Variants in WWOX observed in about 807,000 individuals in gnomAD.
The protein encoded by WWOX is WW domain-containing oxidoreductase.
Under a neutral mutation model 46.2 loss-of-function variants are expected in WWOX, and 69 were observed. The ratio of observed to expected loss-of-function variants is 1.49; its 90% CI spans 1.23 to 1.82. The LOEUF (loss-of-function observed/expected upper bound fraction) is 1.82, where lower values mean the gene tolerates loss of function less well. Among genes scored for constraint, WWOX ranks in the 40% most tolerant of loss-of-function variants. WWOX has a pLI of 0.00. For missense variants in WWOX, 919 were observed against 542.6 expected (o/e 1.69, Z -6.89); for synonymous variants, 359 against 202.6 (o/e 1.77, Z -6.56).
chr16:78,644,512 T>C (rs374085191), intron 8 of WWOX, among the ~76,000 whole-genome samples: 5 of 152,054 alleles, frequency 3.3e-5, no homozygotes, highest in East Asian at 1.9e-4. Flanking sequence ...CTCAGGCTGC[T>C]GTACAGTGGG....
intron 8 of WWOX, among the ~76,000 whole-genome samples, chr16:79,190,395 A>C (rs1447743774): frequency 6.6e-6 from 1 of 152,114 alleles, no homozygotes; most frequent in Non-Finnish European, 1.5e-5. Flanking sequence ...TTCCTGCCTA[A>C]GGTCTGGATA....
chr16:78,240,294 T>TA (rs2037594941), intron 5 of WWOX, among the ~76,000 whole-genome samples: 1 of 150,772 alleles, frequency 6.6e-6, no homozygotes, highest in African/African-American at 2.4e-5. Flanking sequence ...GCCTGGGCAA[T>TA]ATAGCAAGAC....
intron 8 of WWOX, among the ~76,000 whole-genome samples, chr16:78,554,208 G>C (rs2673787): frequency 0.015 from 2,209 of 152,270 alleles, 32 homozygotes; most frequent in South Asian, 0.028. Flanking sequence ...GGAGGACTTG[G>C]TGGCCAGATG....
chr16:78,103,164 T>C (rs1244623324), intron 1 of WWOX, among the ~76,000 whole-genome samples: 1 of 151,878 alleles, frequency 6.6e-6, no homozygotes, highest in Non-Finnish European at 1.5e-5. Context: ...CTCGGGTGCA[T>C]ACATGGTTTC....
intron 8 of WWOX, among the ~76,000 whole-genome samples, chr16:78,830,508 A>G (rs2051790005): frequency 6.6e-6 from 1 of 151,920 alleles, no homozygotes; most frequent in African/African-American, 2.4e-5. Flanking sequence ...AGAGTAAACA[A>G]ATTACCCATT....
At chr16:78,969,223 C>T (rs1164853169) in intron 8 of WWOX, among the ~76,000 whole-genome samples, 1 of 151,142 alleles carries the variant, frequency 6.6e-6, no homozygotes, top group Non-Finnish European at 1.5e-5. Context: ...GGGACAAAGT[C>T]AAGAAAATAA....
In WWOX at chr16:78,348,741, A is replaced by G. The variant is rs565649821; in HGVS notation, c.517-38119A>G. 2.5e-5 allele frequency among the ~76,000 whole-genome samples: 3 copies of G among 121,788 alleles called. 1 individual carries two copies. The highest frequency in any genetic ancestry group is 5.9e-5 in the Non-Finnish European group (3 of 50,850). The allele number at this position is 121,788 out of a possible 152,430, so 79.9% of individuals were successfully genotyped here. ...CCAAAGTGCTAGGATTACAGGTGTCAGCCACAGTGCCATGCCCTGATGTGA... is the reference window on the plus strand; with the variant it reads ...CCAAAGTGCTAGGATTACAGGTGTCGGCCACAGTGCCATGCCCTGATGTGA... On this transcript the variant is annotated intron_variant, in intron 5 of 8. Coordinates refer to ENST00000566780, the MANE Select transcript of WWOX (RefSeq NM_016373.4).
At chr16:79,149,556 C>G (rs973768156) in intron 8 of WWOX, among the ~76,000 whole-genome samples, 2 of 152,220 alleles carry the variant, frequency 1.3e-5, no homozygotes, top group African/African-American at 4.8e-5. Context: ...AAGAATATAG[C>G]TCCCTTCCTA....
intron 8 of WWOX, among the ~76,000 whole-genome samples, chr16:78,743,693 G>A (rs189509580): frequency 1.2e-4 from 18 of 152,180 alleles, no homozygotes; most frequent in Non-Finnish European, 2.4e-4. Flanking sequence ...CCATTCAGCC[G>A]TTTGCATAGG....
chr16:78,915,065 T>C (rs2045215753), intron 8 of WWOX, among the ~76,000 whole-genome samples: 1 of 152,058 alleles, frequency 6.6e-6, no homozygotes, highest in East Asian at 1.9e-4. Context: ...AGGAAAGGGC[T>C]CTGAGCAGGA....
chr16:78,716,068 G>A (rs368543024), intron 8 of WWOX, among the ~76,000 whole-genome samples: 32 of 148,634 alleles, frequency 2.2e-4, no homozygotes, highest in African/African-American at 7.9e-4. Context: ...AAGGAAAGGG[G>A]AAAAAAAAAA....
intron 4 of WWOX, among the ~76,000 whole-genome samples, chr16:78,147,675 C>CTTTTTTTTG (rs1567598350): frequency 8.8e-5 from 8 of 90,640 alleles, no homozygotes; most frequent in East Asian, 2.6e-4. Context: ...TTCTTTCTTC[C>CTTTTTTTTG]TTTTTTTTTT....
At chr16:79,156,455 C>T (rs1331795572) in intron 8 of WWOX, among the ~76,000 whole-genome samples, 1 of 152,164 alleles carries the variant, frequency 6.6e-6, no homozygotes, top group African/African-American at 2.4e-5. Flanking sequence ...GCCACCGCTC[C>T]CAGCAACAAT....
intron 4 of WWOX, among the ~76,000 whole-genome samples, chr16:78,116,781 C>T (rs955217032): frequency 6.6e-6 from 1 of 152,168 alleles, no homozygotes; most frequent in African/African-American, 2.4e-5. Flanking sequence ...AACAATTTAA[C>T]AAGTTAGCCA....
chr16:78,970,321 C>A (rs542276170), intron 8 of WWOX, among the ~76,000 whole-genome samples: 2 of 152,216 alleles, frequency 1.3e-5, no homozygotes, highest in Non-Finnish European at 2.9e-5. Context: ...AGTGTAAACT[C>A]CATTTGGACT....
At chr16:78,422,701 A>C (rs2082966360) in intron 6 of WWOX, among the ~76,000 whole-genome samples, 1 of 106,104 alleles carries the variant, frequency 9.4e-6, no homozygotes, top group Non-Finnish European at 1.9e-5. Flanking sequence ...ACACACACAC[A>C]TATATATATA....
chr16:78,285,869 C>T (rs2079757881), intron 5 of WWOX, among the ~76,000 whole-genome samples: 2 of 152,192 alleles, frequency 1.3e-5, no homozygotes, highest in South Asian at 4.1e-4. Flanking sequence ...AACAAGCTTT[C>T]TGTCTCCCAG....
intron 5 of WWOX, among the ~76,000 whole-genome samples, chr16:78,302,752 T>C (rs1490822166): frequency 6.6e-6 from 1 of 152,212 alleles, no homozygotes; most frequent in Non-Finnish European, 1.5e-5. Flanking sequence ...CAAGACACTG[T>C]ACACATTTAA....
At chr16:78,737,696 T>A (rs966092104) in intron 8 of WWOX, among the ~76,000 whole-genome samples, 2 of 152,060 alleles carry the variant, frequency 1.3e-5, no homozygotes, top group Non-Finnish European at 2.9e-5. Flanking sequence ...GGAAAAGGGG[T>A]ATAAGAATCT....
Sources: gnomAD v4.1 joint callset for allele counts (sites outside exome capture counted in the v4.1 genomes callset) on GRCh38, gnomAD v4.1.1 for gene constraint, MANE v1.5 for transcripts, NCBI Gene and HGNC (gene_info 2026-07-23, HGNC 2026-07-21) for gene names.